Variants in ISY1 observed in about 807,000 individuals in gnomAD.
The protein encoded by ISY1 is pre-mRNA-splicing factor ISY1 homolog.
In ISY1, 12 loss-of-function variants were observed where a neutral mutation model predicts 54.4. That is an observed-to-expected ratio of 0.22 (90% confidence interval 0.14 to 0.36). The LOEUF is 0.36. Among genes scored for constraint, ISY1 ranks in the 10% least tolerant of loss-of-function variants. ISY1 has a pLI of 1.00. For synonymous variants in ISY1, 96 were observed against 117.9 expected, an observed-to-expected ratio of 0.81 and a Z score of 1.20; for missense variants, 282 against 342.2, an observed-to-expected ratio of 0.82 and a Z score of 1.39.
intron 9 of ISY1, among the ~76,000 whole-genome samples, chr3:129,131,551 GT>G (rs1304263799): frequency 6.6e-6 from 1 of 152,094 alleles, no homozygotes; most frequent in Admixed American, 6.5e-5. Context: ...CTATGTGTGT[GT>G]GTGTTCACCC....
chr3:129,145,897 T>C (rs1936752286), intron 5 of ISY1, 24 bp from the exon 6 acceptor site: 2 of 1,611,296 alleles, frequency 1.2e-6, no homozygotes, highest in Non-Finnish European at 1.7e-6. Context: ...AGGTTAACAA[T>C]ATCATTCCAT....
Position 129,130,608 on chromosome 3 carries a change from C to T in ISY1, c.692G>A (p.Gly231Glu). 1 of 1,614,180 alleles carries T rather than the reference C, an allele frequency of 6.2e-7. No homozygotes were observed. Among genetic ancestry groups the T allele is most frequent in the South Asian group, 1.1e-5 (1 of 91,084 alleles). Residue 231 changes from glycine (G) to glutamate (E), a missense_variant, in exon 10 of 11, where the codon GGA (glycine) becomes GAA (glutamate). Transcript: ENST00000393295. ...ESDEEGSQEK[G>E]GDDSQQKFIA... ...GAACTTCTGCTGGCTGTCGTCCCCT[C>T]CTTTCTCCTGGCTGCCTTCCTCGTC...
In ISY1 at chr3:129,134,840, T is replaced by C; in HGVS notation, c.533A>G (p.Glu178Gly). The C allele has an allele frequency of 1.2e-6, 2 of 1,608,090 alleles. No homozygotes were observed. The highest frequency in any genetic ancestry group is 1.7e-6 in the Non-Finnish European group (2 of 1,176,204). ...GVIVPLEQEY[E>G]KKLRAELVEK... is the part of the protein sequence containing the mutation. Reference sequence around the variant, plus strand: ...AATGCCCAGAGACCTACGTTTCTTTTCATATTCCTGTTCCAAAGGCACAAT... The same window carrying C: ...AATGCCCAGAGACCTACGTTTCTTTCCATATTCCTGTTCCAAAGGCACAAT... Residue 178 changes from glutamate to glycine, a missense_variant, in exon 8 of 11, where the codon GAA becomes GGA. This residue lies in a region of ISY1 where 279 missense variants were observed against 323.6 expected (regional missense o/e 0.86). Transcript: ENST00000393295.
At chr3:129,136,743 G>A (rs1384765848) in intron 7 of ISY1, among the ~76,000 whole-genome samples, 1 of 150,364 alleles carries the variant, frequency 6.7e-6, no homozygotes, top group Non-Finnish European at 1.5e-5. Context: ...AGGCTGGAGT[G>A]CAATGGCGTG....
At chr3:129,150,936 C>T (rs996004540) in intron 5 of ISY1, among the ~76,000 whole-genome samples, 2 of 150,448 alleles carry the variant, frequency 1.3e-5, no homozygotes, top group African/African-American at 4.9e-5. Context: ...ACCAGCCTAG[C>T]CAACATGGTG....
intron 4 of ISY1, 57 bp downstream of exon 4, chr3:129,156,798 T>C: frequency 1.3e-6 from 2 of 1,587,450 alleles, no homozygotes; most frequent in Non-Finnish European, 1.7e-6. Context: ...ATTTAGATAA[T>C]AAGAAGAAAT....
chr3:129,130,271 G>A, intron 10 of ISY1, 83 bp from the exon 11 acceptor site: 2 of 1,491,652 alleles, frequency 1.3e-6, no homozygotes, highest in Non-Finnish European at 8.9e-7. Context: ...AAGTCCCCGT[G>A]GGAGAAGTCC....
chr3:129,158,643 A>G (rs1937215580), intron 2 of ISY1, 84 bp from the exon 3 acceptor site: 13 of 1,561,916 alleles, frequency 8.3e-6, no homozygotes, highest in African/African-American at 1.4e-5. Flanking sequence ...TATGGGGTAG[A>G]TCTGCTTATG....
chr3:129,156,565 G>C, intron 5 of ISY1, 68 bp downstream of exon 5: 2 of 1,498,696 alleles, frequency 1.3e-6, no homozygotes, highest in African/African-American at 2.8e-5. Flanking sequence ...TTTGAAAGGA[G>C]TATTGAAGTC....
intron 9 of ISY1, among the ~76,000 whole-genome samples, chr3:129,131,554 T>C (rs999985476): frequency 6.6e-6 from 1 of 152,220 alleles, no homozygotes. Context: ...TGTGTGTGTG[T>C]GTTCACCCTG....
At chr3:129,142,853 G>A (rs191778430) in intron 6 of ISY1, among the ~76,000 whole-genome samples, 6 of 152,106 alleles carry the variant, frequency 3.9e-5, no homozygotes, top group Non-Finnish European at 7.4e-5. Context: ...TAGGGAGTTC[G>A]AGACCAGCCT....
chr3:129,138,519 C>G (rs1481784792), intron 7 of ISY1, among the ~76,000 whole-genome samples: 1 of 152,056 alleles, frequency 6.6e-6, no homozygotes, highest in Admixed American at 6.6e-5. Flanking sequence ...TGGCAGATGC[C>G]TGTAGTCCCA....
intron 6 of ISY1, among the ~76,000 whole-genome samples, chr3:129,144,977 GA>G (rs2107610379): frequency 6.6e-6 from 1 of 152,158 alleles, no homozygotes; most frequent in East Asian, 1.9e-4. Context: ...ATGGCATGAT[GA>G]CAGCTCACTG....
intron 9 of ISY1, among the ~76,000 whole-genome samples, chr3:129,131,581 T>C (rs1329856597): frequency 2.6e-5 from 4 of 152,190 alleles, no homozygotes; most frequent in Non-Finnish European, 5.9e-5. Context: ...TCCAGTGACC[T>C]ACACATTTAG....
At chr3:129,144,791 T>C (rs1936722707) in intron 6 of ISY1, among the ~76,000 whole-genome samples, 1 of 152,194 alleles carries the variant, frequency 6.6e-6, no homozygotes, top group Admixed American at 6.5e-5. Context: ...TCTAGAGTAT[T>C]GCATTTATAG....
intron 7 of ISY1, among the ~76,000 whole-genome samples, chr3:129,135,347 G>C (rs1304244322): frequency 1.3e-5 from 2 of 150,988 alleles, no homozygotes; most frequent in Admixed American, 1.3e-4. Flanking sequence ...CCATCACACA[G>C]AAAAAGAAAA....
intron 5 of ISY1, among the ~76,000 whole-genome samples, chr3:129,152,513 C>T (rs1162860300): frequency 1.3e-5 from 2 of 152,064 alleles, no homozygotes; most frequent in Admixed American, 1.3e-4. Flanking sequence ...CAGCGATTCG[C>T]CTGCCTCAGC....
intron 1 of ISY1, 52 bp downstream of exon 1, chr3:129,160,921 C>CCCCCCA: frequency 1.5e-6 from 1 of 647,260 alleles, no homozygotes; most frequent in African/African-American, 1.9e-5. Context: ...ACTGGGCGCC[C>CCCCCCA]CCCCGCCCGC....
chr3:129,134,767 G>A, intron 8 of ISY1, 65 bp downstream of exon 8: 1 of 1,524,218 alleles, frequency 6.6e-7, no homozygotes, highest in Non-Finnish European at 8.8e-7. Context: ...TGAAAATCCT[G>A]TTTTCAAAGG....
Sources: gnomAD v4.1 joint callset for allele counts (sites outside exome capture counted in the v4.1 genomes callset) on GRCh38, gnomAD v4.1.1 for gene constraint, gnomAD v4.1.1 regional missense constraint, MANE v1.5 for transcripts, NCBI Gene and HGNC (gene_info 2026-07-23, HGNC 2026-07-21) for gene names.